MYO1C: variants seen among roughly 807,000 people sequenced by gnomAD.
MYO1C encodes the protein unconventional myosin-Ic.
MYO1C carries 104 observed loss-of-function variants against 150.8 expected under a neutral mutation model. That is an observed-to-expected ratio of 0.69 (90% CI 0.59 to 0.81). The LOEUF (loss-of-function observed/expected upper bound fraction) is 0.81. MYO1C is among the 30% of genes least tolerant of loss of function. The pLI, the probability that MYO1C is intolerant of heterozygous loss-of-function variation, is 0.00. For missense variants in MYO1C, 1,504 were observed against 1,435.0 expected (o/e 1.05, Z -0.78); for synonymous variants, 663 against 579.9 (o/e 1.14, Z -2.06).
Position 1,472,137 on chromosome 17 carries a change from T to C in MYO1C, c.1889A>G (p.Asp630Gly). Reference sequence around the variant, plus strand: ...GAGGGGCCTACCGGGCTGTTTGGCATCATTGGGTTTGATGCAGCGGACGTA... The same window carrying C: ...GAGGGGCCTACCGGGCTGTTTGGCACCATTGGGTTTGATGCAGCGGACGTA... The part of the protein sequence containing the change: ...PAYVRCIKPN[D>G]AKQPGRFDEV... Residue 630 changes from aspartate (D) to glycine (G), a missense_variant, in exon 18 of 32, where the codon GAT (aspartate) becomes GGT (glycine). Transcript: ENST00000648651. 6.2e-7 allele frequency: 1 copy of C among 1,614,060 alleles called. No individual in the cohort carries two copies. Among genetic ancestry groups the C allele is most frequent in the Non-Finnish European group, 8.5e-7 (1 of 1,179,968 alleles).
Position 1,482,981 on chromosome 17 carries a change from G to T in MYO1C, c.426C>A (p.Ser142Arg). Residue 142 changes from serine (S) to arginine (R), a missense_variant, in exon 4 of 32, where the codon AGC (serine) becomes AGA (arginine). Ser to Arg is a moderately radical substitution (Grantham distance 110). Coordinates refer to ENST00000648651, the MANE Select transcript of MYO1C (RefSeq NM_001080779.2). ...TGGTGGCCTCGGTCTTGCCTGCCCCGCTCTCCCCAGAGATCATCACAGCCT... is the reference window on the plus strand; with the variant it reads ...TGGTGGCCTCGGTCTTGCCTGCCCCTCTCTCCCCAGAGATCATCACAGCCT... ...RDQAVMISGE[S>R]GAGKTEATKR... is the part of the protein sequence containing the mutation. 1 of 1,612,462 alleles carries T rather than the reference G, an allele frequency of 6.2e-7. No homozygotes were observed.
chr17:1,485,237 A>G, intron 1 of MYO1C: 1 of 1,164,950 alleles, frequency 8.6e-7, no homozygotes, highest in Admixed American at 4.2e-5. Context: ...ACAGGGTCTC[A>G]GGGCTCCAAA....
Position 1,477,590 on chromosome 17 carries a change from C to T in MYO1C, c.1489G>A (p.Glu497Lys), listed in dbSNP as rs746533815. ...FKGIISILDE[E>K]CLRPGEATDL... ...GTGGCCTCCCCGGGGCGCAGACACT[C>T]CTCATCCTGGGGGGTGTGGCACAGG... Residue 497 changes from glutamate (E) to lysine (K), a missense_variant, in exon 14 of 32, where the codon GAG becomes AAG. Transcript: ENST00000648651. 1.9e-6 allele frequency: 3 copies of T among 1,613,332 alleles called. No individual in the cohort carries two copies. The highest frequency in any genetic ancestry group is 2.5e-6 in the Non-Finnish European group (3 of 1,179,910).
At chr17:1,468,182 C>T (rs1335056302) in intron 27 of MYO1C, 59 bp from the exon 28 acceptor site, 1 of 1,611,020 alleles carries the variant, frequency 6.2e-7, no homozygotes. Flanking sequence ...TCCGCCCCTG[C>T]CCTGACCTGC....
rs572150984 is a variant in MYO1C, at chr17:1,472,987, G to A, written c.1798-759C>T. Among the ~76,000 whole-genome samples, 229 of 152,256 alleles carry A rather than the reference G, an allele frequency of 1.5e-3. 1 individual carries two copies. The highest frequency in any genetic ancestry group is 5.0e-3 in the African/African-American group (207 of 41,548). On this transcript the variant is annotated intron_variant, in intron 17 of 31. Coordinates refer to ENST00000648651, the MANE Select transcript of MYO1C (RefSeq NM_001080779.2). ...AGGCCGAGGCGGGCGGATCACCTGA[G>A]GTCAGGAGTTTAAGACTAGCCTGGC...
At chr17:1,485,028 T>G in intron 1 of MYO1C, 1 of 1,063,784 alleles carries the variant, frequency 9.4e-7, no homozygotes, top group Non-Finnish European at 1.3e-6. Flanking sequence ...CTCCCTCGCA[T>G]GGCTGGGGCC....
rs79286373 is a variant in MYO1C, at chr17:1,482,358, G to A, written c.627+120C>T. On this transcript the variant is annotated intron_variant, in intron 5 of 31. Coordinates refer to ENST00000648651, the MANE Select transcript of MYO1C (RefSeq NM_001080779.2). ...TATCACCCTGGAAGGCAGGATTTTT[G>A]TTTGCTTTGTTTGACTGCTGGAATT... 2.9e-3 allele frequency: 2,647 copies of A among 924,536 alleles called. 86 individuals are homozygous for A. In the East Asian group the frequency reaches 0.063, roughly 22 times the overall value. 57.3% of individuals were successfully genotyped at this position (924,536 alleles called of 1,614,324 possible).
In MYO1C at chr17:1,467,533, G is replaced by A. The variant is rs1284377734; in HGVS notation, c.3012C>T (p.Thr1004=). 3 of 1,613,548 alleles carry A rather than the reference G, an allele frequency of 1.9e-6. No individual in the cohort carries two copies. The highest frequency in any genetic ancestry group is 2.2e-5 in the East Asian group (1 of 44,846). ...LQSDHVIETL[T]KTALSANRVN... ...CGCGGTTGGCACTGAGGGCTGTCTT[G>A]GTCAGCGTCTCAATCACGTGGTCAC... The change falls in exon 30 of 32, where the codon ACC becomes ACT. Residue 1004 remains threonine, a synonymous_variant. Transcript: ENST00000648651.
At position 1,471,356 on chromosome 17, in the gene MYO1C, C is replaced by G. The variant is rs45482194; in HGVS notation, c.2022-20G>C. 3.8e-3 allele frequency: 6,040 copies of G among 1,606,712 alleles called. 182 individuals are homozygous for G. In the African/African-American group the frequency reaches 0.072, roughly 19 times the overall value. On this transcript the variant is annotated intron_variant, in intron 19 of 31. Coordinates refer to ENST00000648651, the MANE Select transcript of MYO1C (RefSeq NM_001080779.2). ...TTGTACCTGGGGACAGGAATGCACG[C>G]GGCTCCCACCCCAGTCAGCAGCCTG...
At chr17:1,484,973 A>C (rs1404835358) in intron 1 of MYO1C, 2 of 530,368 alleles carry the variant, frequency 3.8e-6, no homozygotes, top group Non-Finnish European at 6.4e-6. Context: ...AGGGCCTCCC[A>C]CCCCAGCTGG....
At chr17:1,480,973 T>A in intron 5 of MYO1C, 88 bp from the exon 6 acceptor site, 1 of 1,471,570 alleles carries the variant, frequency 6.8e-7, no homozygotes, top group Non-Finnish European at 9.3e-7. Context: ...TCCTGGGCTT[T>A]GGCAGCCAGA....
At chr17:1,487,399 C>T (rs2074676588) in intron 1 of MYO1C, among the ~76,000 whole-genome samples, 1 of 152,242 alleles carries the variant, frequency 6.6e-6, no homozygotes, top group South Asian at 2.1e-4. Context: ...AGCTCGCGGA[C>T]CCCGCTCCCT....
intron 31 of MYO1C, among the ~76,000 whole-genome samples, chr17:1,466,598 G>C (rs1372496449): frequency 6.6e-6 from 1 of 151,042 alleles, no homozygotes; most frequent in East Asian, 2.0e-4. Flanking sequence ...AAAGTGCTGG[G>C]ATTACAGGCG....
Position 1,474,981 on chromosome 17 carries a change from G to C in MYO1C, c.1626C>G (p.Phe542Leu), listed in dbSNP as rs1183093044. The stretch of plus-strand genomic sequence containing the variant: ...CCTCCCCCGCATAGTGCAGAAGGCG[G>C]AATTCCCCTCGGCCCAGAGATTTCC... The part of the protein sequence containing the change: ...RTRKSLGRGE[F>L]RLLHYAGEVT... The change falls in exon 15 of 32, where the codon TTC becomes TTG. Residue 542 changes from phenylalanine to leucine, a missense_variant. By Grantham distance (22) the Phe-to-Leu change is conservative. Transcript: ENST00000648651. The C allele has an allele frequency of 3.2e-6, 5 of 1,563,294 alleles. No homozygotes were observed. Among genetic ancestry groups the C allele is most frequent in the Non-Finnish European group, 4.3e-6 (5 of 1,153,262 alleles).
In MYO1C at chr17:1,467,281, C is replaced by G. The variant is rs762301581; in HGVS notation, c.3126G>C (p.Glu1042Asp). The change falls in exon 31 of 32, where the codon GAG becomes GAC. Residue 1042 changes from glutamate (E) to aspartate (D), a missense_variant. Physicochemically the swap from Glu to Asp is conservative, Grantham distance 45. Coordinates refer to ENST00000648651, the MANE Select transcript of MYO1C (RefSeq NM_001080779.2). Reference sequence around the variant, plus strand: ...CGTTCTTGGCCTTGGTGATGAGCAGCTCCGAGCCGGGTGTGAAGTCAATGG... The same window carrying G: ...CGTTCTTGGCCTTGGTGATGAGCAGGTCCGAGCCGGGTGTGAAGTCAATGG... The part of the protein sequence containing the change: ...DGTIDFTPGS[E>D]LLITKAKNGH... The G allele has an allele frequency of 4.7e-5, 76 of 1,613,558 alleles. No individual in the cohort carries two copies. Among genetic ancestry groups the G allele is most frequent in the Non-Finnish European group, 6.4e-5 (75 of 1,179,896 alleles).
chr17:1,488,312 C>T (rs993373224), intron 1 of MYO1C, among the ~76,000 whole-genome samples: 1 of 152,202 alleles, frequency 6.6e-6, no homozygotes, highest in African/African-American at 2.4e-5. Context: ...GGGGCGTCTC[C>T]GCCGCTCGCG....
At chr17:1,471,670 G>C (rs538602775) in intron 19 of MYO1C, among the ~76,000 whole-genome samples, 1 of 152,328 alleles carries the variant, frequency 6.6e-6, no homozygotes, top group East Asian at 1.9e-4. Flanking sequence ...GTGGACGGAG[G>C]CCTCCTGTAC....
Position 1,478,257 on chromosome 17 carries a change from C to T in MYO1C, c.1296-65G>A, listed in dbSNP as rs1437821195. ...ACACAGGACCAGGAGAGGGGAAAAG[C>T]TGGACGACGCCCCTGAGCACAGGAG... On this transcript the variant is annotated intron_variant, in intron 11 of 31. Coordinates refer to ENST00000648651, the MANE Select transcript of MYO1C (RefSeq NM_001080779.2). This position sits in a 1 kb window ranked among gnomAD's most constrained non-coding sequence, Gnocchi z 6.3. 6.4e-6 allele frequency: 10 copies of T among 1,570,770 alleles called. No homozygotes were observed. Among genetic ancestry groups the T allele is most frequent in the Non-Finnish European group, 8.8e-6 (10 of 1,142,402 alleles).
chr17:1,473,753 ACT>A (rs1229273284), intron 17 of MYO1C, among the ~76,000 whole-genome samples: 2 of 150,284 alleles, frequency 1.3e-5, no homozygotes, highest in African/African-American at 2.5e-5. Context: ...GCCTTTTTAG[ACT>A]CTCTGTGTCT....
Sources: gnomAD v4.1 joint callset for allele counts (sites outside exome capture counted in the v4.1 genomes callset) on GRCh38, gnomAD v4.1.1 for gene constraint, Gnocchi (gnomAD v3.1) non-coding constraint, MANE v1.5 for transcripts, NCBI Gene and HGNC (gene_info 2026-07-23, HGNC 2026-07-21) for gene names.